The following HS6ST2 variants were observed in gnomAD, a reference collection of about 807,000 sequenced individuals.
The protein encoded by HS6ST2 is heparan-sulfate 6-O-sulfotransferase 2.
A neutral mutation model predicts 33.0 loss-of-function variants in HS6ST2; 17 were observed. That is an observed-to-expected ratio of 0.52 (90% CI 0.35 to 0.77). The LOEUF (loss-of-function observed/expected upper bound fraction) is 0.77. Among genes scored for constraint, HS6ST2 ranks in the 30% least tolerant of loss-of-function variants. The pLI, the probability that HS6ST2 is intolerant of heterozygous loss-of-function variation, is 0.01. For synonymous variants in HS6ST2, 248 were observed against 237.1 expected, an observed-to-expected ratio of 1.05 and a Z score of -0.42; for missense variants, 519 against 551.7, an observed-to-expected ratio of 0.94 and a Z score of 0.59.
At chrX:132,865,457 T>C (rs1395044584) in intron 2 of HS6ST2, among the ~76,000 whole-genome samples, 1 of 109,967 alleles carries the variant, frequency 9.1e-6, no homozygotes, top group East Asian at 2.9e-4. Flanking sequence ...TGTGTCTTTA[T>C]AGCAGCATGA....
chrX:132,661,902 C>T (rs1329555683), intron 4 of HS6ST2, among the ~76,000 whole-genome samples: 2 of 110,322 alleles, frequency 1.8e-5, no homozygotes, highest in Admixed American at 9.7e-5. Flanking sequence ...ATGTGCCAGT[C>T]GTATCAGTTA....
chrX:132,743,359 A>T (rs1236304951), intron 2 of HS6ST2, among the ~76,000 whole-genome samples: 1 of 111,886 alleles, frequency 8.9e-6, no homozygotes, highest in Non-Finnish European at 1.9e-5. Context: ...CAGGGCATGG[A>T]TCTAGGGTTC....
intron 4 of HS6ST2, among the ~76,000 whole-genome samples, chrX:132,633,934 C>T (rs2063536368): frequency 1.8e-5 from 2 of 111,721 alleles, no homozygotes; most frequent in African/African-American, 6.5e-5. Flanking sequence ...GACACCATTT[C>T]TCTTAATGTG....
Position 132,644,172 on chromosome X carries a change from GGAGA to G in HS6ST2, c.1068-15083_1068-15080del, listed in dbSNP as rs745605131. On this transcript the variant is annotated intron_variant, in intron 4 of 4. Transcript: ENST00000370833. ...AAGAAGGAAGATGGGAAGGAGCGAG[GGAGA>G]GAGAAAGGACAGAAAGAGGGAAGGA... is the stretch of plus-strand genomic sequence containing the variant. Among the ~76,000 whole-genome samples, 524 of 107,049 alleles carry G rather than the reference GGAGA, an allele frequency of 4.9e-3. 9 individuals carry two copies. The highest frequency in any genetic ancestry group is 0.017 in the African/African-American group (484 of 29,170). 93.0% of individuals were successfully genotyped at this position (107,049 alleles called of 115,157 possible). A position where few individuals can be genotyped will look rare whatever the true frequency, so the allele number is the denominator to read the frequency against.
At chrX:132,651,757 G>A (rs1257298366) in intron 4 of HS6ST2, among the ~76,000 whole-genome samples, 1 of 111,690 alleles carries the variant, frequency 9.0e-6, no homozygotes, top group Non-Finnish European at 1.9e-5. Flanking sequence ...TGGTTCCTGA[G>A]TTCACTGCTG....
intron 2 of HS6ST2, among the ~76,000 whole-genome samples, chrX:132,776,988 C>G (rs374313111): frequency 1.9e-5 from 2 of 107,841 alleles, no homozygotes; most frequent in South Asian, 4.3e-4. Flanking sequence ...CTTTTTACAC[C>G]AGTGGTTTGC....
intron 4 of HS6ST2, among the ~76,000 whole-genome samples, chrX:132,642,303 G>C (rs762543326): frequency 1.5e-4 from 17 of 111,481 alleles, no homozygotes; most frequent in Admixed American, 2.9e-4. Context: ...TCTCAGCATT[G>C]TGCTATTTTC....
In HS6ST2 at chrX:132,957,219, T is replaced by C. The variant is rs2067089167; in HGVS notation, c.536A>G (p.Gln179Arg). ...LQYVCPGTEC[Q>R]LLRLQAFSSP... is the part of the protein sequence containing the mutation. Reference sequence around the variant, plus strand: ...GCTGAACGCCTGCAGGCGGAGGAGCTGGCATTCTGTGCCGGGGCACACGTA... The same window carrying C: ...GCTGAACGCCTGCAGGCGGAGGAGCCGGCATTCTGTGCCGGGGCACACGTA... The change falls in exon 2 of 5, where the codon CAG (glutamine) becomes CGG (arginine). Residue 179 changes from glutamine to arginine, a missense_variant. By Grantham distance (43) the Gln-to-Arg change is conservative. Coordinates refer to ENST00000370833, the MANE Select transcript of HS6ST2 (RefSeq NM_001394073.1). 1.7e-6 allele frequency: 2 copies of C among 1,209,380 alleles called. No homozygotes were observed. Among genetic ancestry groups the C allele is most frequent in the African/African-American group, 3.5e-5 (2 of 57,816 alleles).
chrX:132,775,750 A>G (rs1190078779), intron 2 of HS6ST2, among the ~76,000 whole-genome samples: 1 of 111,418 alleles, frequency 9.0e-6, no homozygotes, highest in Non-Finnish European at 1.9e-5. Flanking sequence ...TTTCTACCTT[A>G]ATTTTTAGAT....
At chrX:132,916,501 T>C (rs2066592889) in intron 2 of HS6ST2, among the ~76,000 whole-genome samples, 1 of 112,184 alleles carries the variant, frequency 8.9e-6, no homozygotes, top group Non-Finnish European at 1.9e-5. Context: ...TGTGAGGGTG[T>C]TGCCATAGGA....
intron 2 of HS6ST2, among the ~76,000 whole-genome samples, chrX:132,890,796 A>G (rs1470714555): frequency 9.0e-6 from 1 of 111,021 alleles, no homozygotes; most frequent in African/African-American, 3.3e-5. Context: ...GCTGAAGGTC[A>G]CTGACTTTCA....
intron 2 of HS6ST2, chrX:132,735,533 G>T (rs767635225): frequency 8.9e-6 from 1 of 112,132 alleles, no homozygotes; most frequent in Non-Finnish European, 1.9e-5. Context: ...GGTCAGGAAG[G>T]TTGCAAAGGT....
upstream of HS6ST2, chrX:132,958,739 C>G: frequency 1.7e-6 from 1 of 579,654 alleles, no homozygotes; most frequent in Non-Finnish European, 2.6e-6. Context: ...GTACGGAGGT[C>G]ACTCCGCTTA....
intron 2 of HS6ST2, among the ~76,000 whole-genome samples, chrX:132,821,894 G>C (rs1418292777): frequency 9.0e-6 from 1 of 110,941 alleles, no homozygotes; most frequent in African/African-American, 3.3e-5. Flanking sequence ...GGGAGGCTGA[G>C]GTGGGAGGAT....
intron 2 of HS6ST2, among the ~76,000 whole-genome samples, chrX:132,750,428 G>A (rs2064694140): frequency 9.1e-6 from 1 of 109,935 alleles, no homozygotes; most frequent in Admixed American, 9.7e-5. Context: ...AACAGGAAAT[G>A]GGGTAAGGAG....
intron 2 of HS6ST2, among the ~76,000 whole-genome samples, chrX:132,951,322 C>T (rs1263858087): frequency 9.0e-6 from 1 of 111,258 alleles, no homozygotes; most frequent in Non-Finnish European, 1.9e-5. Context: ...ACCATTATTA[C>T]TCCAAGCATG....
At chrX:132,957,981 C>G (rs55723756) in intron 1 of HS6ST2, among the ~76,000 whole-genome samples, 194 bp downstream of exon 1, 3 of 111,980 alleles carry the variant, frequency 2.7e-5, no homozygotes, top group Non-Finnish European at 1.9e-5. Context: ...GCTGCCGGTG[C>G]CCGCGGAACA....
At chrX:132,713,356 G>A (rs1489554470) in intron 2 of HS6ST2, among the ~76,000 whole-genome samples, 1 of 111,804 alleles carries the variant, frequency 8.9e-6, no homozygotes, top group Non-Finnish European at 1.9e-5. Flanking sequence ...AGACCAATCA[G>A]AGAATTGTCT....
intron 4 of HS6ST2, among the ~76,000 whole-genome samples, chrX:132,646,614 G>T (rs2063645695): frequency 9.1e-6 from 1 of 109,461 alleles, no homozygotes; most frequent in African/African-American, 3.3e-5. Context: ...TGTACCTGGA[G>T]CTCACAGAAG....
Sources: gnomAD v4.1 joint callset for allele counts (sites outside exome capture counted in the v4.1 genomes callset) on GRCh38, gnomAD v4.1.1 for gene constraint, MANE v1.5 for transcripts, NCBI Gene and HGNC (gene_info 2026-07-23, HGNC 2026-07-21) for gene names.